COL28A1: variants seen among roughly 807,000 people sequenced by gnomAD.
The protein encoded by COL28A1 is collagen type XXVIII alpha 1 chain, also known as collagen alpha-1(XXVIII) chain.
In COL28A1, 161 loss-of-function variants were observed where a neutral mutation model predicts 150.2. The observed-to-expected ratio is 1.07, with a 90% CI of 0.94 to 1.22. COL28A1 has a LOEUF of 1.22. Ranked by LOEUF, COL28A1 falls within the 50% of genes most tolerant of loss-of-function variation. The pLI is 0.00. For synonymous variants in COL28A1, 552 were observed against 469.7 expected, an observed-to-expected ratio of 1.18 and a Z score of -2.26; for missense variants, 1,617 against 1,388.3, an observed-to-expected ratio of 1.16 and a Z score of -2.62.
At chr7:7,477,713 C>G (rs1487086323) in intron 13 of COL28A1, among the ~76,000 whole-genome samples, 2 of 152,206 alleles carry the variant, frequency 1.3e-5, no homozygotes, top group Non-Finnish European at 2.9e-5. Context: ...TGGACCCAAA[C>G]AGTTAACAGC....
At chr7:7,497,143 A>G (rs1283000257) in intron 11 of COL28A1, among the ~76,000 whole-genome samples, 2 of 152,100 alleles carry the variant, frequency 1.3e-5, no homozygotes, top group African/African-American at 2.4e-5. Flanking sequence ...AGAAGGATCA[A>G]TATTTATCAA....
chr7:7,370,191 C>A (rs1224704754), intron 33 of COL28A1, among the ~76,000 whole-genome samples: 5 of 152,148 alleles, frequency 3.3e-5, no homozygotes, highest in Non-Finnish European at 7.3e-5. Flanking sequence ...CTACTTTGCA[C>A]CATATGCATA....
intron 4 of COL28A1, among the ~76,000 whole-genome samples, chr7:7,522,698 G>A (rs183344268): frequency 6.6e-6 from 1 of 151,126 alleles, no homozygotes. Flanking sequence ...AAATGATTCA[G>A]ATTTACCAGG....
At chr7:7,467,839 A>T (rs1788160095) in intron 15 of COL28A1, among the ~76,000 whole-genome samples, 1 of 143,306 alleles carries the variant, frequency 7.0e-6, no homozygotes, top group Non-Finnish European at 1.5e-5. Context: ...AAACTGAACA[A>T]CCTGCTCCGG....
intron 18 of COL28A1, among the ~76,000 whole-genome samples, chr7:7,449,602 G>T (rs1583402206): frequency 6.6e-6 from 1 of 152,028 alleles, no homozygotes; most frequent in Admixed American, 6.5e-5. Flanking sequence ...GTATGATTGT[G>T]TACATAGGGA....
chr7:7,455,761 A>C (rs1459958683), intron 16 of COL28A1, among the ~76,000 whole-genome samples: 1 of 152,248 alleles, frequency 6.6e-6, no homozygotes, highest in African/African-American at 2.4e-5. Flanking sequence ...AGGGGAACTA[A>C]AAATATTGCA....
At chr7:7,419,431 G>GA (rs1278178559) in intron 26 of COL28A1, among the ~76,000 whole-genome samples, 1 of 152,102 alleles carries the variant, frequency 6.6e-6, no homozygotes, top group African/African-American at 2.4e-5. Flanking sequence ...AGAAAGGAGG[G>GA]AAACTGGGCC....
chr7:7,391,797 CCT>C (rs1266085874), intron 27 of COL28A1, among the ~76,000 whole-genome samples: 1 of 107,646 alleles, frequency 9.3e-6, no homozygotes, highest in Non-Finnish European at 1.9e-5. Flanking sequence ...GATTGCAACC[CCT>C]GCTTTTTTTT....
At chr7:7,438,416 A>T (rs1298809817) in intron 21 of COL28A1, among the ~76,000 whole-genome samples, 1 of 119,664 alleles carries the variant, frequency 8.4e-6, no homozygotes, top group African/African-American at 5.2e-5. Flanking sequence ...CTCAGATTTT[A>T]GAAGCAGAGG....
At chr7:7,488,678 C>A (rs1779754396) in intron 13 of COL28A1, among the ~76,000 whole-genome samples, 1 of 152,168 alleles carries the variant, frequency 6.6e-6, no homozygotes, top group Non-Finnish European at 1.5e-5. Context: ...ATCTGTCTAC[C>A]ATTATCAATC....
intron 25 of COL28A1, among the ~76,000 whole-genome samples, chr7:7,421,533 G>C (rs771430603): frequency 1.0e-4 from 15 of 145,928 alleles, no homozygotes; most frequent in African/African-American, 4.2e-4. Flanking sequence ...AAGACCTTTA[G>C]CCTTAGGTCC....
At chr7:7,442,181 G>A (rs1785849271) in intron 20 of COL28A1, among the ~76,000 whole-genome samples, 1 of 152,098 alleles carries the variant, frequency 6.6e-6, no homozygotes, top group Non-Finnish European at 1.5e-5. Flanking sequence ...TCTTTCCAAT[G>A]CACATTCTTC....
rs140986184 is a variant in COL28A1 at position 7,398,908 on chromosome 7, G to A, written c.2137-17296C>T. 4.9e-3 allele frequency among the ~76,000 whole-genome samples: 747 copies of A among 152,220 alleles called. 4 individuals carry two copies. The highest frequency in any genetic ancestry group is 0.015 in the African/African-American group (620 of 41,538). ...TGCCTTTAACTACTCCGATGCCTCC[G>A]TTGGTGCTCCCTGTATCCTCGAGGT... On this transcript the variant is annotated intron_variant, in intron 27 of 34. Coordinates refer to ENST00000399429, the MANE Select transcript of COL28A1 (RefSeq NM_001037763.3).
intron 11 of COL28A1, among the ~76,000 whole-genome samples, chr7:7,495,044 G>T (rs1562828879): frequency 6.6e-6 from 1 of 152,082 alleles, no homozygotes; most frequent in Non-Finnish European, 1.5e-5. Flanking sequence ...CCACTGTCTG[G>T]AGCAGCATGG....
At chr7:7,348,197 A>G in the COL28A1 span, among the ~76,000 whole-genome samples, 3 of 152,064 alleles carry the variant, frequency 2.0e-5, no homozygotes, top group African/African-American at 7.2e-5. Flanking sequence ...AGACGAGGAC[A>G]ATGAGAGTAA....
At chr7:7,381,687 A>G in intron 27 of COL28A1, 75 bp from the exon 28 acceptor site, 1 of 980,230 alleles carries the variant, frequency 1.0e-6, no homozygotes, top group Non-Finnish European at 1.6e-6. Flanking sequence ...TCAGAAACAC[A>G]CTTACGGTTT....
At chr7:7,435,875 G>A (rs28522448) in intron 23 of COL28A1, among the ~76,000 whole-genome samples, 56,885 of 152,016 alleles carry the variant, frequency 0.37, 12,750 homozygotes, top group African/African-American at 0.64. Flanking sequence ...TATACATGCT[G>A]AATTTTGCTG....
At chr7:7,525,380 G>A (rs1234366443) in intron 3 of COL28A1, among the ~76,000 whole-genome samples, 1 of 152,114 alleles carries the variant, frequency 6.6e-6, no homozygotes, top group East Asian at 1.9e-4. Flanking sequence ...TGAATTCAGT[G>A]GGATATTACC....
chr7:7,367,324 C>T (rs578235643), intron 33 of COL28A1, among the ~76,000 whole-genome samples: 1 of 152,316 alleles, frequency 6.6e-6, no homozygotes, highest in South Asian at 2.1e-4. Context: ...TTAAACGATG[C>T]ATGACTGCAT....
Sources: gnomAD v4.1 joint callset for allele counts (sites outside exome capture counted in the v4.1 genomes callset) on GRCh38, gnomAD v4.1.1 for gene constraint, MANE v1.5 for transcripts, NCBI Gene and HGNC (gene_info 2026-07-23, HGNC 2026-07-21) for gene names.